Variants in MAP3K5 observed in about 807,000 individuals in gnomAD.
The protein encoded by MAP3K5 is ASK-1.
A neutral mutation model predicts 158.7 loss-of-function variants in MAP3K5; 56 were observed. The ratio of observed to expected loss-of-function variants is 0.35; its 90% CI spans 0.28 to 0.44. The LOEUF (loss-of-function observed/expected upper bound fraction) is 0.44. Ranked by LOEUF, MAP3K5 falls within the 20% of genes least tolerant of loss-of-function variation. MAP3K5 has a pLI of 1.00. For missense variants in MAP3K5, 1,294 were observed against 1,674.8 expected (o/e 0.77, Z 3.97); for synonymous variants, 579 against 601.7 (o/e 0.96, Z 0.55).
chr6:136,753,067 T>C (rs958449239), intron 1 of MAP3K5, among the ~76,000 whole-genome samples: 5 of 152,186 alleles, frequency 3.3e-5, no homozygotes, highest in African/African-American at 1.2e-4. Flanking sequence ...CACTTTCTCT[T>C]TCCTTCCTGG....
chr6:136,690,016 G>A (rs985647693), intron 7 of MAP3K5, among the ~76,000 whole-genome samples: 4 of 151,718 alleles, frequency 2.6e-5, no homozygotes, highest in African/African-American at 9.7e-5. Flanking sequence ...AATGTGATAG[G>A]TACATTCCCT....
At chr6:136,570,095 C>A (rs1471724220) in intron 25 of MAP3K5, among the ~76,000 whole-genome samples, 1 of 152,122 alleles carries the variant, frequency 6.6e-6, no homozygotes, top group Non-Finnish European at 1.5e-5. Context: ...TGAAGCCTCT[C>A]CCGAGTCCAT....
rs1775897915 is a variant in MAP3K5 at position 136,601,997 on chromosome 6, A to G, written c.2680-18T>C. The G allele has an allele frequency of 1.2e-6, 2 of 1,607,304 alleles. No homozygotes were observed. Among genetic ancestry groups the G allele is most frequent in the Non-Finnish European group, 8.5e-7 (1 of 1,176,198 alleles). On this transcript the variant is annotated intron_variant, in intron 19 of 29. Coordinates refer to ENST00000359015, the MANE Select transcript of MAP3K5 (RefSeq NM_005923.4). ...ATTCCCACCTAAGACATAAATATAA[A>G]AAGTGCAATGTGCCTTCTGAGTGAA...
chr6:136,722,662 CT>C (rs1223914457), intron 1 of MAP3K5, among the ~76,000 whole-genome samples: 10 of 110,816 alleles, frequency 9.0e-5, no homozygotes, highest in African/African-American at 2.0e-4. Flanking sequence ...ACTTTCTTTT[CT>C]TTTTTTTTTC....
At chr6:136,622,732 TC>T in intron 15 of MAP3K5, 115 bp downstream of exon 15, 1 of 1,146,396 alleles carries the variant, frequency 8.7e-7, no homozygotes. Context: ...AGGAGCTAAT[TC>T]ACAGAGTGAA....
intron 23 of MAP3K5, among the ~76,000 whole-genome samples, chr6:136,588,175 A>G (rs928224815): frequency 1.3e-5 from 2 of 152,118 alleles, no homozygotes; most frequent in Non-Finnish European, 2.9e-5. Flanking sequence ...TTCACCTCCA[A>G]TGCCTAATCC....
At chr6:136,566,295 T>C (rs943604869) in intron 26 of MAP3K5, among the ~76,000 whole-genome samples, 76 of 152,218 alleles carry the variant, frequency 5.0e-4, no homozygotes, top group African/African-American at 1.8e-3. Flanking sequence ...ACCAGCTCTT[T>C]GGTAAACAAA....
At chr6:136,581,408 T>G (rs1269775068) in intron 24 of MAP3K5, among the ~76,000 whole-genome samples, 3 of 152,198 alleles carry the variant, frequency 2.0e-5, no homozygotes, top group African/African-American at 7.2e-5. Flanking sequence ...AGATTTTGGG[T>G]TAACTCTACT....
chr6:136,583,634 GA>G lies in MAP3K5; in HGVS notation c.3331del (p.Ser1111GlnfsTer3). 1.2e-6 allele frequency: 2 copies of G among 1,614,226 alleles called. No homozygotes were observed. Among genetic ancestry groups the G allele is most frequent in the Non-Finnish European group, 8.5e-7 (1 of 1,180,046 alleles). ...GAAGTCCAGCTCCAGTTTCAGCTTT[GA>G]CAGTGTGGTGGCTATGATTTTTCGG... ...TDRKIIATTL[S>X]KLKLELDFDS... On this transcript the variant is annotated frameshift_variant, in exon 24 of 30. Coordinates refer to ENST00000359015, the MANE Select transcript of MAP3K5 (RefSeq NM_005923.4). LOFTEE classifies it high-confidence loss of function.
intron 25 of MAP3K5, among the ~76,000 whole-genome samples, chr6:136,577,539 A>G (rs190398247): frequency 5.3e-5 from 8 of 152,334 alleles, no homozygotes; most frequent in African/African-American, 1.9e-4. Context: ...CACTTTTAAT[A>G]AAAAATGTGC....
intron 2 of MAP3K5, among the ~76,000 whole-genome samples, chr6:136,715,990 A>C (rs910540885): frequency 3.8e-5 from 5 of 131,590 alleles, no homozygotes. Flanking sequence ...GGATAGCACC[A>C]CTGCACTCCA....
At chr6:136,627,043 A>C (rs1043477078) in intron 14 of MAP3K5, among the ~76,000 whole-genome samples, 3 of 152,226 alleles carry the variant, frequency 2.0e-5, no homozygotes, top group Non-Finnish European at 4.4e-5. Context: ...TAAAGATATT[A>C]CAGTATATTG....
At chr6:136,772,241 G>C (rs1035692034) in intron 1 of MAP3K5, among the ~76,000 whole-genome samples, 1 of 151,710 alleles carries the variant, frequency 6.6e-6, no homozygotes, top group Admixed American at 6.6e-5. Context: ...ATTTTGAGGG[G>C]GGGGGAGACC....
chr6:136,681,835 C>T (rs189826546), intron 7 of MAP3K5, among the ~76,000 whole-genome samples: 1,531 of 152,024 alleles, frequency 0.01, 27 homozygotes, highest in African/African-American at 0.035. Flanking sequence ...AGGAGAATGG[C>T]GTGAACCTGG....
intron 11 of MAP3K5, among the ~76,000 whole-genome samples, chr6:136,645,080 C>T (rs1246266726): frequency 6.6e-6 from 1 of 152,096 alleles, no homozygotes; most frequent in Non-Finnish European, 1.5e-5. Context: ...AGGCACATAT[C>T]ACCAAACCTG....
chr6:136,664,279 T>C (rs1194767938), intron 8 of MAP3K5, among the ~76,000 whole-genome samples: 2 of 151,754 alleles, frequency 1.3e-5, no homozygotes, highest in East Asian at 3.9e-4. Flanking sequence ...TGTCACTGTC[T>C]CCCATCCCCC....
chr6:136,595,266 T>G (rs1048323076), intron 21 of MAP3K5, among the ~76,000 whole-genome samples: 1 of 152,196 alleles, frequency 6.6e-6, no homozygotes, highest in Non-Finnish European at 1.5e-5. Flanking sequence ...TACAGGCATG[T>G]GCCACCACCC....
chr6:136,730,126 C>T (rs985100338), intron 1 of MAP3K5, among the ~76,000 whole-genome samples: 7 of 150,980 alleles, frequency 4.6e-5, no homozygotes, highest in African/African-American at 1.7e-4. Context: ...GTACACGCCA[C>T]CATACCTGTT....
intron 1 of MAP3K5, among the ~76,000 whole-genome samples, chr6:136,736,302 G>A (rs1782458874): frequency 6.6e-6 from 1 of 152,152 alleles, no homozygotes; most frequent in Admixed American, 6.5e-5. Context: ...TTTCTACTCT[G>A]TTAAGCTCAC....
Sources: gnomAD v4.1 joint callset for allele counts (sites outside exome capture counted in the v4.1 genomes callset) on GRCh38, gnomAD v4.1.1 for gene constraint, MANE v1.5 for transcripts, NCBI Gene and HGNC (gene_info 2026-07-23, HGNC 2026-07-21) for gene names.